NEBL: variants seen among roughly 807,000 people sequenced by gnomAD.
NEBL encodes the protein LIM and SH3 protein 2.
NEBL carries 122 observed loss-of-function variants against 140.2 expected under a neutral mutation model. The ratio of observed to expected loss-of-function variants is 0.87; its 90% CI spans 0.75 to 1.01. The LOEUF (loss-of-function observed/expected upper bound fraction) is 1.01, where lower values mean the gene tolerates loss of function less well. Among genes scored for constraint, NEBL ranks in the 50% least tolerant of loss-of-function variants. The probability of loss-of-function intolerance (pLI) is 0.00; values close to 1 mark genes in which losing one functional copy is unlikely to be tolerated. For synonymous variants in NEBL, 436 were observed against 398.9 expected, an observed-to-expected ratio of 1.09 and a Z score of -1.11; for missense variants, 1,365 against 1,231.3, an observed-to-expected ratio of 1.11 and a Z score of -1.62.
intron 4 of NEBL, among the ~76,000 whole-genome samples, chr10:20,926,389 A>T (rs969995363): frequency 4.1e-5 from 4 of 98,370 alleles, no homozygotes; most frequent in Non-Finnish European, 6.7e-5. Context: ...TTGTGATTTG[A>T]TTATGTGAAA....
intron 2 of NEBL, among the ~76,000 whole-genome samples, chr10:21,157,840 G>A (rs1840395057): frequency 6.6e-6 from 1 of 152,088 alleles, no homozygotes; most frequent in Admixed American, 6.6e-5. Flanking sequence ...CATAGGTGTG[G>A]GCCCTAATAC....
intron 4 of NEBL, among the ~76,000 whole-genome samples, chr10:20,921,823 A>C (rs1292998113): frequency 1.3e-5 from 2 of 152,110 alleles, no homozygotes; most frequent in African/African-American, 4.8e-5. Context: ...ACACCCCCAC[A>C]CACATAGCTA....
intron 2 of NEBL, among the ~76,000 whole-genome samples, chr10:21,121,669 T>C (rs533892535): frequency 6.6e-6 from 1 of 152,180 alleles, no homozygotes; most frequent in Non-Finnish European, 1.5e-5. Context: ...AATGCTAGGC[T>C]CACAACTTCA....
chr10:21,090,507 G>C (rs1428550723), intron 2 of NEBL, among the ~76,000 whole-genome samples: 1 of 152,162 alleles, frequency 6.6e-6, no homozygotes, highest in Non-Finnish European at 1.5e-5. Flanking sequence ...TTTTATGTCA[G>C]GGACTTGATG....
chr10:20,848,898 T>C (rs1276470440), intron 11 of NEBL, among the ~76,000 whole-genome samples: 1 of 152,210 alleles, frequency 6.6e-6, no homozygotes, highest in Non-Finnish European at 1.5e-5. Context: ...CATAGTAATA[T>C]CTGAGTGCCT....
chr10:20,852,745 G>C, intron 9 of NEBL, 96 bp from the exon 10 acceptor site: 1 of 1,094,408 alleles, frequency 9.1e-7, no homozygotes, highest in Non-Finnish European at 1.3e-6. Flanking sequence ...AAGCCACCAA[G>C]AGCTGCAAAG....
At chr10:21,144,508 C>T (rs1466179858) in intron 2 of NEBL, among the ~76,000 whole-genome samples, 1 of 152,078 alleles carries the variant, frequency 6.6e-6, no homozygotes, top group Admixed American at 6.5e-5. Context: ...GGGGAATCAC[C>T]CAAAGTCAGG....
intron 4 of NEBL, among the ~76,000 whole-genome samples, chr10:20,954,371 T>A (rs948263017): frequency 6.6e-6 from 1 of 152,196 alleles, no homozygotes; most frequent in Non-Finnish European, 1.5e-5. Flanking sequence ...GCCCTGGGTC[T>A]GTATAGAAAA....
At chr10:21,085,705 C>A (rs575246527) in intron 2 of NEBL, among the ~76,000 whole-genome samples, 1 of 152,064 alleles carries the variant, frequency 6.6e-6, no homozygotes, top group Non-Finnish European at 1.5e-5. Context: ...TACATTAAAG[C>A]AATTTTCTAC....
intron 2 of NEBL, among the ~76,000 whole-genome samples, chr10:21,040,267 G>A (rs1413062361): frequency 2.0e-5 from 3 of 152,146 alleles, no homozygotes; most frequent in Non-Finnish European, 2.9e-5. Flanking sequence ...TTGGGAGGCT[G>A]AGGCAGGAGA....
intron 3 of NEBL, among the ~76,000 whole-genome samples, chr10:21,232,707 C>T (rs147837130): frequency 6.6e-6 from 1 of 152,184 alleles, no homozygotes; most frequent in Non-Finnish European, 1.5e-5. Context: ...GATGGGGAGA[C>T]AGACAGGTAC....
chr10:21,095,682 G>A (rs1039251874), intron 2 of NEBL, among the ~76,000 whole-genome samples: 1 of 152,206 alleles, frequency 6.6e-6, no homozygotes, highest in Non-Finnish European at 1.5e-5. Context: ...GGCACTTGGT[G>A]CTCAGAGAGA....
intron 1 of NEBL, among the ~76,000 whole-genome samples, chr10:21,269,610 G>A (rs1266147506): frequency 6.6e-6 from 1 of 152,148 alleles, no homozygotes; most frequent in African/African-American, 2.4e-5. Flanking sequence ...CATTATCAAA[G>A]ATTACTAAAT....
intron 5 of NEBL, among the ~76,000 whole-genome samples, chr10:20,877,129 T>C (rs554577325): frequency 6.6e-6 from 1 of 152,180 alleles, no homozygotes; most frequent in Non-Finnish European, 1.5e-5. Flanking sequence ...CCTTTAAAAG[T>C]AGAAGGAGGA....
intron 3 of NEBL, among the ~76,000 whole-genome samples, chr10:21,206,088 G>A (rs1772814456): frequency 6.6e-6 from 1 of 152,112 alleles, no homozygotes; most frequent in African/African-American, 2.4e-5. Context: ...AGCTTCATCA[G>A]GATGTTCTGG....
intron 2 of NEBL, among the ~76,000 whole-genome samples, chr10:21,031,236 C>T (rs186698118): frequency 5.3e-5 from 8 of 152,244 alleles, no homozygotes; most frequent in Admixed American, 5.2e-4. Flanking sequence ...TGATGATGAA[C>T]CCTATGGGGG....
At chr10:21,109,670 T>C (rs1373815426) in intron 2 of NEBL, among the ~76,000 whole-genome samples, 1 of 152,188 alleles carries the variant, frequency 6.6e-6, no homozygotes, top group East Asian at 1.9e-4. Context: ...ACTGCCTCAA[T>C]TTCAGAACTT....
intron 2 of NEBL, among the ~76,000 whole-genome samples, chr10:21,055,819 G>A (rs1034065582): frequency 1.3e-5 from 2 of 152,176 alleles, no homozygotes; most frequent in East Asian, 1.9e-4. Context: ...CGATGAGGGT[G>A]TTCAGGGGGC....
chr10:21,197,305 A>T (rs546645176), intron 3 of NEBL, among the ~76,000 whole-genome samples: 1 of 152,232 alleles, frequency 6.6e-6, no homozygotes, highest in South Asian at 2.1e-4. Context: ...GGTAATCTTG[A>T]TGGACAGCCA....
Sources: gnomAD v4.1 joint callset for allele counts (sites outside exome capture counted in the v4.1 genomes callset) on GRCh38, gnomAD v4.1.1 for gene constraint, MANE v1.5 for transcripts, NCBI Gene and HGNC (gene_info 2026-07-23, HGNC 2026-07-21) for gene names.